The following AGBL1 variants were observed in gnomAD, a reference collection of about 807,000 sequenced individuals.
AGBL1 encodes the protein AGBL carboxypeptidase 1, also known as cytosolic carboxypeptidase 4.
A neutral mutation model predicts 118.9 loss-of-function variants in AGBL1; 130 were observed. The ratio of observed to expected loss-of-function variants is 1.09; its 90% confidence interval spans 0.95 to 1.26. The LOEUF (loss-of-function observed/expected upper bound fraction) is 1.26. Ranked by LOEUF, AGBL1 falls within the 50% of genes most tolerant of loss-of-function variation. AGBL1 has a pLI of 0.00. For synonymous variants in AGBL1, 555 were observed against 478.9 expected (o/e 1.16, Z -2.08); for missense variants, 1,584 against 1,298.1 (o/e 1.22, Z -3.38).
At chr15:86,723,606 GTAAC>G (rs565704571) in intron 22 of AGBL1, among the ~76,000 whole-genome samples, 75 of 152,208 alleles carry the variant, frequency 4.9e-4, no homozygotes, top group African/African-American at 1.6e-3. Context: ...GTATACACAT[GTAAC>G]TAACCTGCAC....
intron 23 of AGBL1, among the ~76,000 whole-genome samples, chr15:86,956,595 G>T (rs2080934246): frequency 1.3e-5 from 2 of 152,146 alleles, no homozygotes; most frequent in Admixed American, 1.3e-4. Flanking sequence ...ATCAGATGCG[G>T]TCCATCCATG....
chr15:86,803,516 G>A (rs1418054269), intron 22 of AGBL1, among the ~76,000 whole-genome samples: 1 of 152,074 alleles, frequency 6.6e-6, no homozygotes, highest in Non-Finnish European at 1.5e-5. Context: ...ATATCAATTA[G>A]TATTTATCCT....
chr15:86,676,567 T>C (rs1427111027), intron 22 of AGBL1, among the ~76,000 whole-genome samples: 1 of 115,358 alleles, frequency 8.7e-6, no homozygotes, highest in African/African-American at 2.5e-5. Context: ...GAGTGAATCC[T>C]AGAACTTTTG....
At chr15:86,079,762 A>G (rs79522379), upstream of AGBL1, 20,332 of 381,960 alleles carry the variant, frequency 0.053, 761 homozygotes, top group Middle Eastern at 0.12. Flanking sequence ...GCAGGGGCTC[A>G]CCTAATCCCC....
At chr15:86,562,617 G>A (rs891102759) in intron 21 of AGBL1, among the ~76,000 whole-genome samples, 1 of 152,076 alleles carries the variant, frequency 6.6e-6, no homozygotes, top group Non-Finnish European at 1.5e-5. Context: ...TTTTTGTTGT[G>A]TCTGTGCCAG....
chr15:86,703,476 C>G (rs1209719305), intron 22 of AGBL1, among the ~76,000 whole-genome samples: 1 of 152,026 alleles, frequency 6.6e-6, no homozygotes, highest in East Asian at 1.9e-4. Context: ...TAATGTTGAT[C>G]TAAAGATTAA....
At chr15:86,749,062 T>C (rs2077805027) in intron 22 of AGBL1, among the ~76,000 whole-genome samples, 1 of 152,170 alleles carries the variant, frequency 6.6e-6, no homozygotes, top group African/African-American at 2.4e-5. Flanking sequence ...CATTGGTAGC[T>C]TGATGGGGAT....
At chr15:86,818,898 C>T (rs1201475771) in intron 22 of AGBL1, among the ~76,000 whole-genome samples, 2 of 152,110 alleles carry the variant, frequency 1.3e-5, no homozygotes, top group Non-Finnish European at 2.9e-5. Context: ...ATAATTCCTA[C>T]TCCATGGTAT....
At chr15:87,031,416 G>C (rs1201093605), downstream of AGBL1, among the ~76,000 whole-genome samples, 1 of 151,348 alleles carries the variant, frequency 6.6e-6, no homozygotes, top group Non-Finnish European at 1.5e-5. Context: ...AGATAACACA[G>C]ACCAGCCTTA....
chr15:86,166,919 T>C (rs1400713108), intron 5 of AGBL1, among the ~76,000 whole-genome samples: 1 of 152,160 alleles, frequency 6.6e-6, no homozygotes, highest in Admixed American at 6.5e-5. Flanking sequence ...GAAATTGCAT[T>C]TCCACCTTTA....
rs1196813968 is a variant in AGBL1, at chr15:86,913,079, C to T, written c.*5785C>T. On this transcript the variant is annotated 3_prime_UTR_variant, in exon 23 of 23. Transcript: ENST00000614907. ...GAGATAAAAATGGATTCTATTACAA[C>T]CTTTCAGTGCCTAATAATAAAAAGA... is the stretch of plus-strand genomic sequence containing the variant. The T allele has an allele frequency of 6.6e-6, 1 of 152,032 alleles. No homozygotes were observed. Among genetic ancestry groups the T allele is most frequent in the Non-Finnish European group, 1.5e-5 (1 of 67,998 alleles). 9.4% of individuals were successfully genotyped at this position (152,032 alleles called of 1,614,324 possible).
chr15:86,081,193 G>A (rs957730639), intron 1 of AGBL1, among the ~76,000 whole-genome samples: 20 of 151,838 alleles, frequency 1.3e-4, no homozygotes, highest in African/African-American at 4.4e-4. Flanking sequence ...ATAGGCTCCT[G>A]CCACCATGCC....
Position 86,186,257 on chromosome 15 carries a change from A to G in AGBL1, c.488+27231A>G, listed in dbSNP as rs376159486. On this transcript the variant is annotated intron_variant, in intron 5 of 22. Transcript: ENST00000614907. ...CATGGGGAGGGAGGGTATCAGGATA[A>G]ATAGCTAATGTATGCTGGACTTAAT... Among the ~76,000 whole-genome samples, 228 of 152,314 alleles carry G rather than the reference A, an allele frequency of 1.5e-3. 5 individuals carry two copies. In the South Asian group the frequency reaches 0.046, roughly 31 times the overall value.
At chr15:86,226,599 G>A (rs904427276) in intron 6 of AGBL1, among the ~76,000 whole-genome samples, 2 of 152,158 alleles carry the variant, frequency 1.3e-5, no homozygotes, top group Admixed American at 6.5e-5. Flanking sequence ...CTATTGATCA[G>A]GAACACAATG....
intron 23 of AGBL1, among the ~76,000 whole-genome samples, chr15:86,950,388 C>A (rs1394388548): frequency 6.7e-6 from 1 of 150,300 alleles, no homozygotes. Flanking sequence ...TAGAATTCAA[C>A]CAAGAGTTAA....
intron 22 of AGBL1, among the ~76,000 whole-genome samples, chr15:86,855,897 G>T (rs935334912): frequency 3.3e-5 from 5 of 152,182 alleles, no homozygotes; most frequent in African/African-American, 1.2e-4. Context: ...TTCTCTAGCA[G>T]CTCCTGATGA....
At chr15:86,718,411 A>T (rs917865289) in intron 22 of AGBL1, among the ~76,000 whole-genome samples, 2 of 152,190 alleles carry the variant, frequency 1.3e-5, no homozygotes, top group African/African-American at 4.8e-5. Flanking sequence ...CAGGAGGGAT[A>T]GCATTAGGAG....
chr15:86,986,134 G>C (rs2081279923), intron 23 of AGBL1, among the ~76,000 whole-genome samples: 1 of 152,162 alleles, frequency 6.6e-6, no homozygotes, highest in African/African-American at 2.4e-5. Flanking sequence ...ACGTTGGCCA[G>C]GCTGGTCTCA....
intron 22 of AGBL1, among the ~76,000 whole-genome samples, chr15:86,849,517 C>CTTTTTTTTTTTTTTTT (rs68185029): frequency 2.2e-5 from 3 of 136,798 alleles, no homozygotes; most frequent in South Asian, 2.2e-4. Flanking sequence ...TTCTTTCTTT[C>CTTTTTTTTTTTTTTTT]TTTTTTTTTT....
Sources: allele counts gnomAD v4.1 joint callset (sites outside exome capture counted in the v4.1 genomes callset), GRCh38; gene constraint gnomAD v4.1.1; transcripts MANE v1.5; gene names NCBI Gene and HGNC (gene_info 2026-07-23, HGNC 2026-07-21).